The following IL1RAPL2 variants were observed in gnomAD, a reference collection of about 807,000 sequenced individuals.
The protein encoded by IL1RAPL2 is interleukin 1 receptor accessory protein like 2, also known as X-linked interleukin-1 receptor accessory protein-like 2.
IL1RAPL2 carries 3 observed loss-of-function variants against 44.1 expected under a neutral mutation model. The ratio of observed to expected loss-of-function variants is 0.07; its 90% confidence interval spans 0.03 to 0.18. The LOEUF (loss-of-function observed/expected upper bound fraction) is 0.18. IL1RAPL2 is among the 10% of genes least tolerant of loss of function. The probability of loss-of-function intolerance (pLI) is 1.00; values close to 1 mark genes in which losing one functional copy is unlikely to be tolerated. For missense variants in IL1RAPL2, 391 were observed against 496.4 expected (o/e 0.79, Z 2.02); for synonymous variants, 181 against 178.8 (o/e 1.01, Z -0.10).
intron 2 of IL1RAPL2, among the ~76,000 whole-genome samples, chrX:105,002,929 G>T (rs761664018): frequency 1.8e-5 from 2 of 111,220 alleles, no homozygotes; most frequent in South Asian, 7.4e-4. Context: ...GAATTCTAAG[G>T]TTTTTTCATG....
At chrX:105,225,623 C>T (rs1052597736) in intron 3 of IL1RAPL2, among the ~76,000 whole-genome samples, 8 of 110,426 alleles carry the variant, frequency 7.2e-5, no homozygotes, top group African/African-American at 2.6e-4. Flanking sequence ...GTATCCTTTG[C>T]CCTGGATTAT....
At chrX:104,907,174 C>T (rs1385435395) in intron 2 of IL1RAPL2, among the ~76,000 whole-genome samples, 1 of 111,411 alleles carries the variant, frequency 9.0e-6, no homozygotes, top group East Asian at 2.8e-4. Flanking sequence ...TTTATTGCAT[C>T]TATTTGATTC....
intron 2 of IL1RAPL2, among the ~76,000 whole-genome samples, chrX:105,043,217 TTAAAG>T (rs1472972569): frequency 1.8e-5 from 2 of 109,490 alleles, no homozygotes; most frequent in Non-Finnish European, 3.8e-5. Context: ...ACCCTAAAAC[TTAAAG>T]TATAATAATA....
At chrX:105,237,268 G>A (rs782056888) in intron 4 of IL1RAPL2, among the ~76,000 whole-genome samples, 22 of 111,894 alleles carry the variant, frequency 2.0e-4, no homozygotes, top group African/African-American at 6.5e-4. Flanking sequence ...GTTGGTTCCA[G>A]GTCTTTTCTA....
intron 2 of IL1RAPL2, among the ~76,000 whole-genome samples, chrX:104,917,211 G>T (rs1216916856): frequency 9.0e-6 from 1 of 111,045 alleles, no homozygotes; most frequent in East Asian, 2.8e-4. Context: ...GACTTTTTTT[G>T]GTTGGTAAGC....
intron 5 of IL1RAPL2, among the ~76,000 whole-genome samples, chrX:105,298,253 C>A (rs2034669274): frequency 1.8e-5 from 2 of 111,807 alleles, no homozygotes; most frequent in African/African-American, 6.5e-5. Context: ...CTAACTGAAA[C>A]TTTGTACCCT....
intron 2 of IL1RAPL2, among the ~76,000 whole-genome samples, chrX:104,999,631 T>A (rs760770437): frequency 2.1e-4 from 23 of 111,868 alleles, no homozygotes; most frequent in African/African-American, 7.1e-4. Context: ...TAGTCTGGCC[T>A]GCTAAACATG....
At chrX:104,828,731 C>T (rs778529406) in intron 2 of IL1RAPL2, among the ~76,000 whole-genome samples, 109 of 112,518 alleles carry the variant, frequency 9.7e-4, no homozygotes, top group African/African-American at 2.6e-3. Context: ...TGCCCACAGC[C>T]GCCCCCTCCC....
At chrX:105,663,735 A>C (rs2037737066) in intron 6 of IL1RAPL2, among the ~76,000 whole-genome samples, 1 of 112,158 alleles carries the variant, frequency 8.9e-6, no homozygotes, top group Non-Finnish European at 1.9e-5. Flanking sequence ...CCCAAGAAGC[A>C]GAGAAAAGTC....
At chrX:104,602,983 G>A (rs779910895) in intron 1 of IL1RAPL2, among the ~76,000 whole-genome samples, 8 of 111,666 alleles carry the variant, frequency 7.2e-5, no homozygotes, top group Non-Finnish European at 1.1e-4. Flanking sequence ...TCTGATAAGG[G>A]TCAGACTACC....
rs184859349 is a variant in IL1RAPL2 at position 105,168,609 on chromosome X, G to A, written c.83-26866G>A. On this transcript the variant is annotated intron_variant, in intron 2 of 10. Coordinates refer to ENST00000372582, the MANE Select transcript of IL1RAPL2 (RefSeq NM_017416.2). ...CTGGATACCCTGGAGAGCCAGAGGT[G>A]TAAGTTTCAGTCCGAATGTCAGCAG... Among the ~76,000 whole-genome samples the A allele has an allele frequency of 5.0e-3, 553 of 110,117 alleles. 3 individuals carry two copies. Among genetic ancestry groups the A allele is most frequent in the African/African-American group, 0.018 (532 of 29,928 alleles).
At chrX:105,646,452 T>A (rs541295655) in intron 6 of IL1RAPL2, among the ~76,000 whole-genome samples, 2 of 112,153 alleles carry the variant, frequency 1.8e-5, no homozygotes, top group South Asian at 7.6e-4. Flanking sequence ...AAAGAAATTA[T>A]CCCATTTTTA....
At chrX:104,941,152 G>T (rs749834648) in intron 2 of IL1RAPL2, among the ~76,000 whole-genome samples, 3 of 110,366 alleles carry the variant, frequency 2.7e-5, no homozygotes, top group Non-Finnish European at 5.7e-5. Context: ...GAATAGTGCC[G>T]CAATAAACAT....
chrX:105,607,565 C>T (rs1033461806), intron 6 of IL1RAPL2, among the ~76,000 whole-genome samples: 2 of 90,666 alleles, frequency 2.2e-5, no homozygotes, highest in African/African-American at 8.6e-5. Context: ...TGCTTATGAG[C>T]GTCAGATAGT....
chrX:105,063,100 T>G (rs2032095348), intron 2 of IL1RAPL2, among the ~76,000 whole-genome samples: 1 of 111,277 alleles, frequency 9.0e-6, no homozygotes, highest in East Asian at 2.8e-4. Context: ...TTTCTAGATC[T>G]TGGAGGCATG....
intron 7 of IL1RAPL2, among the ~76,000 whole-genome samples, chrX:105,724,780 A>G (rs1390668665): frequency 8.9e-6 from 1 of 112,042 alleles, no homozygotes; most frequent in African/African-American, 3.2e-5. Context: ...GAGAAGTCAA[A>G]TAATTATTTC....
chrX:105,406,060 G>T, intron 5 of IL1RAPL2: 1 of 1,201,134 alleles, frequency 8.3e-7, no homozygotes, highest in South Asian at 1.8e-5. Flanking sequence ...ACAACTACAC[G>T]CATTACTCCT....
chrX:105,320,261 T>C (rs2034887521), intron 5 of IL1RAPL2, among the ~76,000 whole-genome samples: 1 of 111,938 alleles, frequency 8.9e-6, no homozygotes, highest in African/African-American at 3.3e-5. Flanking sequence ...TATGAATGTG[T>C]GTTGAGGTTG....
chrX:105,569,444 G>A (rs1173595569), intron 6 of IL1RAPL2, among the ~76,000 whole-genome samples: 1 of 111,556 alleles, frequency 9.0e-6, no homozygotes, highest in Non-Finnish European at 1.9e-5. Context: ...CCCCTTTAAA[G>A]TTAGAGGTAG....
Sources: allele counts gnomAD v4.1 joint callset (sites outside exome capture counted in the v4.1 genomes callset), GRCh38; gene constraint gnomAD v4.1.1; transcripts MANE v1.5; gene names NCBI Gene and HGNC (gene_info 2026-07-23, HGNC 2026-07-21).